TRIM15: variants seen among roughly 807,000 people sequenced by gnomAD.
TRIM15 encodes tripartite motif containing 15.
A neutral mutation model predicts 35.8 loss-of-function variants in TRIM15; 35 were observed. That is an observed-to-expected ratio of 0.98 (90% CI 0.75 to 1.30). TRIM15 has a LOEUF of 1.30. TRIM15 is among the 50% of genes most tolerant of loss of function. TRIM15 has a pLI of 0.00. For missense variants in TRIM15, 590 were observed against 593.5 expected (o/e 0.99, Z 0.06); for synonymous variants, 252 against 249.8 (o/e 1.01, Z -0.08).
Position 30,172,551 on chromosome 6 carries a change from T to A in TRIM15, c.*202T>A. On this transcript the variant is annotated 3_prime_UTR_variant, in exon 7 of 7. Coordinates refer to ENST00000376694, the MANE Select transcript of TRIM15 (RefSeq NM_033229.3). The stretch of plus-strand genomic sequence containing the variant: ...GACGTCCTGAGCCTCCCTGTGACGC[T>A]CTGGCCTTCTCTGTACCTCAGAGTG... 1.2e-6 allele frequency: 1 copy of A among 807,858 alleles called. No homozygotes were observed. The highest frequency in any genetic ancestry group is 2.0e-6 in the Non-Finnish European group (1 of 490,398). 50.0% of individuals were successfully genotyped at this position (807,858 alleles called of 1,614,324 possible).
At position 30,169,250 on chromosome 6, in the gene TRIM15, G is replaced by A; in HGVS notation, c.718G>A (p.Val240Ile). The change falls in exon 4 of 7, where the codon GTC becomes ATC. Residue 240 changes from valine to isoleucine, a missense_variant. Transcript: ENST00000376694. The part of the protein sequence containing the change: ...PASELLQDVR[V>I]NQSRCEMKTF... ...TGTCTTTCTTTTGCAGGATGTCAGAGTCAACCAGAGCAGGTAGGGCCCACT... is the reference window on the plus strand; with the variant it reads ...TGTCTTTCTTTTGCAGGATGTCAGAATCAACCAGAGCAGGTAGGGCCCACT... 1.2e-6 allele frequency: 2 copies of A among 1,613,182 alleles called. No homozygotes were observed. Among genetic ancestry groups the A allele is most frequent in the Non-Finnish European group, 1.7e-6 (2 of 1,180,038 alleles).
chr6:30,169,870 C>A, intron 4 of TRIM15: 1 of 230,882 alleles, frequency 4.3e-6, no homozygotes, highest in Non-Finnish European at 8.6e-6. Flanking sequence ...GTGCCTATTC[C>A]CGTGCAGGGA....
At position 30,163,977 on chromosome 6, in the gene TRIM15, C is replaced by T; in HGVS notation, c.293C>T (p.Ala98Val). The T allele has an allele frequency of 1.2e-6, 2 of 1,613,148 alleles. No homozygotes were observed. The highest frequency in any genetic ancestry group is 1.7e-6 in the Non-Finnish European group (2 of 1,180,046). Residue 98 changes from alanine (A) to valine (V), a missense_variant, in exon 1 of 7, where the codon GCC becomes GTC. By Grantham distance (64) the Ala-to-Val change is moderately conservative. Transcript: ENST00000376694. Reference protein sequence around the residue: ...EKIYFFCENDAEFLCVFCREG... With the variant: ...EKIYFFCENDVEFLCVFCREG... Reference sequence around the variant, plus strand: ...ATCTACTTCTTCTGCGAGAACGATGCCGAGTTCCTCTGTGTGTTCTGCAGG... The same window carrying T: ...ATCTACTTCTTCTGCGAGAACGATGTCGAGTTCCTCTGTGTGTTCTGCAGG...
In TRIM15 at chr6:30,170,601, A is replaced by T. The variant is rs779378770; in HGVS notation, c.832A>T (p.Met278Leu). 1 of 1,613,784 alleles carries T rather than the reference A, an allele frequency of 6.2e-7. No individual in the cohort carries two copies. Among genetic ancestry groups the T allele is most frequent in the South Asian group, 1.1e-5 (1 of 91,048 alleles). ...HRKILTLPEM[M>L]RMFSENLAHH... ...GAAAATACTCACCCTCCCAGAGATG[A>T]TGAGGATGTTCTCAGGTAAAGGGGA... The change falls in exon 5 of 7, where the codon ATG (methionine) becomes TTG (leucine). Residue 278 changes from methionine to leucine, a missense_variant. Met to Leu is a conservative substitution (Grantham distance 15). Transcript: ENST00000376694.
chr6:30,164,485 C>T (rs1172448017), intron 1 of TRIM15, among the ~76,000 whole-genome samples: 1 of 152,104 alleles, frequency 6.6e-6, no homozygotes, highest in Non-Finnish European at 1.5e-5. Context: ...GGGGAACCTG[C>T]TAGCACTGCT....
Position 30,163,547 on chromosome 6 carries a change from T to C in TRIM15, c.-138T>C. ...CCCTGTGCTGGCATTCTTGCCTCTCTCTCTCTTTCTCTCTCTCTGTCTCTT... is the reference window on the plus strand; with the variant it reads ...CCCTGTGCTGGCATTCTTGCCTCTCCCTCTCTTTCTCTCTCTCTGTCTCTT... On this transcript the variant is annotated 5_prime_UTR_variant, in exon 1 of 7. Transcript: ENST00000376694. 1 of 1,211,580 alleles carries C rather than the reference T, an allele frequency of 8.3e-7. No homozygotes were observed. The highest frequency in any genetic ancestry group is 1.1e-6 in the Non-Finnish European group (1 of 892,382). The allele number at this position is 1,211,580 out of a possible 1,614,324, so 75.1% of individuals were successfully genotyped here.
At chr6:30,169,436 T>C in intron 4 of TRIM15, 173 bp downstream of exon 4, 1 of 756,842 alleles carries the variant, frequency 1.3e-6, no homozygotes, top group Non-Finnish European at 2.3e-6. Context: ...ATTTGCGTTC[T>C]AAAGGTTCAT....
Position 30,169,770 on chromosome 6 carries a change from C to T in TRIM15, c.731+507C>T, listed in dbSNP as rs1161855314. ...AGCCAGTGGCATTGTAAATGCATGGCCCTTTCCTTCCCTGTCTGCTATAAG... is the reference window on the plus strand; with the variant it reads ...AGCCAGTGGCATTGTAAATGCATGGTCCTTTCCTTCCCTGTCTGCTATAAG... On this transcript the variant is annotated intron_variant, in intron 4 of 6. Transcript: ENST00000376694. 8.6e-6 allele frequency: 3 copies of T among 349,796 alleles called. No homozygotes were observed. The Admixed American group carries it at 1.3e-4, about 15-fold the overall frequency. The allele number at this position is 349,796 out of a possible 1,614,324, so 21.7% of individuals were successfully genotyped here. A position where few individuals can be genotyped will look rare whatever the true frequency, so the allele number is the denominator to read the frequency against.
intron 1 of TRIM15, among the ~76,000 whole-genome samples, chr6:30,164,299 G>A (rs1282491680): frequency 6.6e-6 from 1 of 152,118 alleles, no homozygotes; most frequent in Non-Finnish European, 1.5e-5. Context: ...CCACAGAGGT[G>A]GAGTGCAAAG....
rs757713500 is a variant in TRIM15 at position 30,169,276 on chromosome 6, C to A, written c.731+13C>A. On this transcript the variant is annotated intron_variant, in intron 4 of 6. Coordinates refer to ENST00000376694, the MANE Select transcript of TRIM15 (RefSeq NM_033229.3). ...TCAACCAGAGCAGGTAGGGCCCACT[C>A]CCCGGTCCTGCCTCCTTTTACTCAA... 2.5e-6 allele frequency: 4 copies of A among 1,613,082 alleles called. No individual in the cohort carries two copies. The highest frequency in any genetic ancestry group is 2.5e-6 in the Non-Finnish European group (3 of 1,179,970).
chr6:30,168,397 G>A lies in TRIM15; in HGVS notation c.575G>A (p.Arg192Lys), dbSNP rs1368570313. ...QQRCLLLARL[R>K]ELEQQIWKER... ...CGATGTCTCCTGCTGGCCAGGCTGAGGGAGCTGGAGCAGCAGATTTGGAAG... is the reference window on the plus strand; with the variant it reads ...CGATGTCTCCTGCTGGCCAGGCTGAAGGAGCTGGAGCAGCAGATTTGGAAG... Residue 192 changes from arginine (R) to lysine (K), a missense_variant, in exon 3 of 7, where the codon AGG becomes AAG. By Grantham distance (26) the Arg-to-Lys change is conservative. Transcript: ENST00000376694. 1.2e-6 allele frequency: 2 copies of A among 1,612,866 alleles called. No individual in the cohort carries two copies. The highest frequency in any genetic ancestry group is 1.7e-5 in the Admixed American group (1 of 59,984).
At position 30,164,113 on chromosome 6, in the gene TRIM15, C is replaced by A. The variant is rs200119763; in HGVS notation, c.381+48C>A. ...GGGCCTGTTTGGGGCAGGATGATGT[C>A]CTGTTATGAGGGGAGGAAATCGGGC... On this transcript the variant is annotated intron_variant, in intron 1 of 6. Transcript: ENST00000376694. The A allele has an allele frequency of 7.2e-4, 1,140 of 1,572,794 alleles. 2 individuals are homozygous for A. Among genetic ancestry groups the A allele is most frequent in the Middle Eastern group, 2.1e-3 (12 of 5,834 alleles).
In TRIM15 at chr6:30,163,743, CG is replaced by C. The variant is rs1445048467; in HGVS notation, c.63del (p.Pro22ArgfsTer6). 1 of 1,612,866 alleles carries C rather than the reference CG, an allele frequency of 6.2e-7. No homozygotes were observed. On this transcript the variant is annotated frameshift_variant, in exon 1 of 7. Coordinates refer to ENST00000376694, the MANE Select transcript of TRIM15 (RefSeq NM_033229.3). LOFTEE classifies it high-confidence loss of function. The stretch of plus-strand genomic sequence containing the variant: ...GAGCTGCCTGCCTGTACCCTCTGTG[CG>C]GGGCCGCTGGAGGATGCGGTGACCA... ...VHELPACTLC[A>X]GPLEDAVTIP...
chr6:30,165,872 CAT>C (rs1773559946), intron 1 of TRIM15, among the ~76,000 whole-genome samples: 1 of 152,212 alleles, frequency 6.6e-6, no homozygotes, highest in Non-Finnish European at 1.5e-5. Context: ...AGCTTCTTTT[CAT>C]AGGTTTGTTG....
intron 1 of TRIM15, among the ~76,000 whole-genome samples, chr6:30,166,703 C>A (rs1235340351): frequency 1.3e-5 from 2 of 152,108 alleles, no homozygotes; most frequent in Non-Finnish European, 2.9e-5. Flanking sequence ...GCAGTATGGC[C>A]ATTTTCACAA....
At chr6:30,170,279 A>G in intron 4 of TRIM15, 3 of 524,634 alleles carry the variant, frequency 5.7e-6, no homozygotes, top group East Asian at 3.1e-5. Flanking sequence ...CTTACCTCCA[A>G]TTCTTGAGAA....
intron 3 of TRIM15, 76 bp downstream of exon 3, chr6:30,168,606 T>G (rs1331333934): frequency 7.2e-7 from 1 of 1,383,474 alleles, no homozygotes; most frequent in Non-Finnish European, 1.0e-6. Flanking sequence ...TGCTTTGGGC[T>G]GGAGAGAGGC....
rs34823152 is a variant in TRIM15, at chr6:30,168,525, C to G, written c.703C>G (p.Leu235Val). Residue 235 changes from leucine (L) to valine (V), a missense_variant, in exon 3 of 7, where the codon CTA (leucine) becomes GTA (valine). Coordinates refer to ENST00000376694, the MANE Select transcript of TRIM15 (RefSeq NM_033229.3). ...EKCQQPASEL[L>V]QDVRVNQSRC... ...GTGTCAGCAGCCAGCAAGTGAGCTT[C>G]TACAAGTGAGAGACACTTCACCACT... The G allele has an allele frequency of 0.045, 71,793 of 1,587,224 alleles. 1,850 individuals carry two copies. The highest frequency in any genetic ancestry group is 0.053 in the Non-Finnish European group (61,946 of 1,165,808).
rs1168324960 is a variant in TRIM15, at chr6:30,172,285, C to T, written c.1334C>T (p.Ser445Phe). The T allele has an allele frequency of 6.2e-7, 1 of 1,612,926 alleles. No individual in the cohort carries two copies. ...EPIFTFTASF[S>F]GKVFPFFAVW... ...ATCTTCACCTTCACTGCCTCTTTCT[C>T]CGGCAAAGTCTTCCCTTTCTTTGCC... The change falls in exon 7 of 7, where the codon TCC becomes TTC. Residue 445 changes from serine (S) to phenylalanine (F), a missense_variant. Ser to Phe is a radical substitution (Grantham distance 155). Transcript: ENST00000376694.
Sources: gnomAD v4.1 joint callset for allele counts (sites outside exome capture counted in the v4.1 genomes callset) on GRCh38, gnomAD v4.1.1 for gene constraint, MANE v1.5 for transcripts, NCBI Gene and HGNC (gene_info 2026-07-23, HGNC 2026-07-21) for gene names.